Variants in TMEM167A observed in about 807,000 individuals in gnomAD.
TMEM167A encodes the protein transmembrane protein 167A.
Under a neutral mutation model 11.6 loss-of-function variants are expected in TMEM167A, and 8 were observed. That is an observed-to-expected ratio of 0.69 (90% CI 0.40 to 1.24). The LOEUF (loss-of-function observed/expected upper bound fraction) is 1.24, where lower values mean the gene tolerates loss of function less well. Among genes scored for constraint, TMEM167A ranks in the 50% most tolerant of loss-of-function variants. The pLI is 0.01. For missense variants in TMEM167A, 62 were observed against 87.0 expected (o/e 0.71, Z 1.14); for synonymous variants, 22 against 28.0 (o/e 0.79, Z 0.67).
At chr5:83,073,015 C>T (rs1744586233) in intron 1 of TMEM167A, among the ~76,000 whole-genome samples, 2 of 152,222 alleles carry the variant, frequency 1.3e-5, no homozygotes, top group Admixed American at 1.3e-4. Flanking sequence ...GCTACCTCCT[C>T]ACCCACTCCT....
intron 1 of TMEM167A, among the ~76,000 whole-genome samples, chr5:83,076,582 T>C (rs776639181): frequency 4.6e-5 from 7 of 152,240 alleles, no homozygotes; most frequent in African/African-American, 7.2e-5. Context: ...TCTGTGAACA[T>C]AGGCTCATAA....
At chr5:83,074,331 G>A (rs770192676) in intron 1 of TMEM167A, among the ~76,000 whole-genome samples, 4 of 152,124 alleles carry the variant, frequency 2.6e-5, no homozygotes, top group Non-Finnish European at 5.9e-5. Flanking sequence ...ACTCTTTAAA[G>A]TACAGGTGAG....
At chr5:83,057,226 C>A (rs938322391) in intron 3 of TMEM167A, 72 bp from the exon 4 acceptor site, 92 of 1,386,472 alleles carry the variant, frequency 6.6e-5, no homozygotes, top group Non-Finnish European at 8.5e-5. Context: ...GTTATACTAC[C>A]ATAAGAATCA....
chr5:83,053,668 T>C lies in TMEM167A; in HGVS notation c.*3416A>G, dbSNP rs879130544. 6.6e-6 allele frequency: 1 copy of C among 152,040 alleles called. No individual in the cohort carries two copies. The highest frequency in any genetic ancestry group is 2.1e-4 in the South Asian group (1 of 4,830). The allele number at this position is 152,040 out of a possible 1,614,324, so 9.4% of individuals were successfully genotyped here. A position where few individuals can be genotyped will look rare whatever the true frequency, so the allele number is the denominator to read the frequency against. The stretch of plus-strand genomic sequence containing the variant: ...AAGATCTAACCTTTGCCTACCTTTC[T>C]AGGCTTATGTCTTAATACTCCCGAA... On this transcript the variant is annotated 3_prime_UTR_variant, in exon 4 of 4. Coordinates refer to ENST00000502346, the MANE Select transcript of TMEM167A (RefSeq NM_174909.5).
At chr5:83,072,564 T>G (rs1489275042) in intron 1 of TMEM167A, among the ~76,000 whole-genome samples, 1 of 152,200 alleles carries the variant, frequency 6.6e-6, no homozygotes, top group Non-Finnish European at 1.5e-5. Context: ...AGTCTCACTC[T>G]GTTGCCCAGA....
intron 1 of TMEM167A, among the ~76,000 whole-genome samples, chr5:83,072,349 A>G (rs1457539465): frequency 1.3e-5 from 2 of 152,234 alleles, no homozygotes; most frequent in African/African-American, 4.8e-5. Flanking sequence ...GAAGGAAAAG[A>G]GCAAAGCCTG....
rs533575328 is a variant in TMEM167A, at chr5:83,060,326, C to T, written c.148+1551G>A. Among the ~76,000 whole-genome samples the T allele has an allele frequency of 7.2e-5, 11 of 152,112 alleles. No homozygotes were observed. The South Asian group carries it at 1.9e-3, about 26-fold the overall frequency. ...AATATTTTTCATTATAAATGTCTAA[C>T]AGCTTTATGAAAGAAAAGTAGTTAA... On this transcript the variant is annotated intron_variant, in intron 3 of 3. Transcript: ENST00000502346.
intron 1 of TMEM167A, among the ~76,000 whole-genome samples, chr5:83,072,933 C>A (rs1381604809): frequency 2.0e-5 from 3 of 152,162 alleles, no homozygotes; most frequent in Admixed American, 6.5e-5. Flanking sequence ...TACTAAGATA[C>A]TTGCCTTTTA....
chr5:83,056,973 T>G lies in TMEM167A; in HGVS notation c.*111A>C. On this transcript the variant is annotated 3_prime_UTR_variant, in exon 4 of 4. Transcript: ENST00000502346. The stretch of plus-strand genomic sequence containing the variant: ...AGAGAACAGCATCTGGAAATTTATC[T>G]CATTCAATGTTCGGAGATAAAAGAG... 1.1e-6 allele frequency: 1 copy of G among 928,440 alleles called. No homozygotes were observed. Among genetic ancestry groups the G allele is most frequent in the Non-Finnish European group, 1.7e-6 (1 of 580,852 alleles). The allele number at this position is 928,440 out of a possible 1,614,324, so 57.5% of individuals were successfully genotyped here. A position where few individuals can be genotyped will look rare whatever the true frequency, so the allele number is the denominator to read the frequency against.
At chr5:83,066,045 CA>C (rs1744476474) in intron 1 of TMEM167A, among the ~76,000 whole-genome samples, 1 of 152,054 alleles carries the variant, frequency 6.6e-6, no homozygotes, top group Non-Finnish European at 1.5e-5. Context: ...GAAGGGTAGA[CA>C]TTGTTATCAG....
intron 3 of TMEM167A, among the ~76,000 whole-genome samples, chr5:83,058,623 C>A (rs1360427915): frequency 6.6e-6 from 1 of 151,986 alleles, no homozygotes; most frequent in Non-Finnish European, 1.5e-5. Context: ...GGGCTATATA[C>A]CCTCATCTCA....
At chr5:83,072,870 T>G (rs1744583898) in intron 1 of TMEM167A, among the ~76,000 whole-genome samples, 1 of 152,120 alleles carries the variant, frequency 6.6e-6, no homozygotes, top group African/African-American at 2.4e-5. Context: ...TTATCAAAGG[T>G]GTGGTTCATG....
chr5:83,075,840 C>T (rs1744642105), intron 1 of TMEM167A, among the ~76,000 whole-genome samples: 1 of 152,080 alleles, frequency 6.6e-6, no homozygotes. Context: ...GATGCGAACT[C>T]AAAGATACTG....
chr5:83,067,051 A>G (rs1002333381), intron 1 of TMEM167A, among the ~76,000 whole-genome samples: 1 of 152,062 alleles, frequency 6.6e-6, no homozygotes, highest in African/African-American at 2.4e-5. Flanking sequence ...ACCCAATTTC[A>G]GTTTTTTTTT....
In TMEM167A at chr5:83,056,199, G is replaced by A. The variant is rs1237029723; in HGVS notation, c.*885C>T. On this transcript the variant is annotated 3_prime_UTR_variant, in exon 4 of 4. Transcript: ENST00000502346. ...ACAAAACACAAACTGGATTTAAAGT[G>A]CTGTGTTAAAAAACAAAACAAAAAT... 2 of 151,906 alleles carry A rather than the reference G, an allele frequency of 1.3e-5. No individual in the cohort carries two copies. The highest frequency in any genetic ancestry group is 2.9e-5 in the Non-Finnish European group (2 of 67,918). 9.4% of individuals were successfully genotyped at this position (151,906 alleles called of 1,614,324 possible).
rs1744410123 is a variant in TMEM167A, at chr5:83,061,764, A to T, written c.148+113T>A. 18 of 1,077,760 alleles carry T rather than the reference A, an allele frequency of 1.7e-5. No individual in the cohort carries two copies. In the South Asian group the frequency reaches 2.5e-4, roughly 15 times the overall value. 66.8% of individuals were successfully genotyped at this position (1,077,760 alleles called of 1,614,324 possible). On this transcript the variant is annotated intron_variant, in intron 3 of 3. Coordinates refer to ENST00000502346, the MANE Select transcript of TMEM167A (RefSeq NM_174909.5). Reference sequence around the variant, plus strand: ...TTATAAACTTTTGCGAAAATGCATAAAATTGGGAAGCCTGCCCTTTAAAAA... The same window carrying T: ...TTATAAACTTTTGCGAAAATGCATATAATTGGGAAGCCTGCCCTTTAAAAA...
chr5:83,073,735 T>C (rs1413992123), intron 1 of TMEM167A, among the ~76,000 whole-genome samples: 1 of 152,164 alleles, frequency 6.6e-6, no homozygotes, highest in Non-Finnish European at 1.5e-5. Flanking sequence ...AGAACAGACA[T>C]GAAGACAACG....
Position 83,066,860 on chromosome 5 carries a change from G to A in TMEM167A, c.4-1743C>T, listed in dbSNP as rs979686100. Among the ~76,000 whole-genome samples the A allele has an allele frequency of 3.9e-5, 6 of 151,996 alleles. No individual in the cohort carries two copies. In the East Asian group the frequency reaches 5.8e-4, roughly 15 times the overall value. ...GTTTTCCAAGAAATGAATTCTTTCC[G>A]GAGAGAGCACGTTGTTATAAAGCCA... is the stretch of plus-strand genomic sequence containing the variant. On this transcript the variant is annotated intron_variant, in intron 1 of 3. Transcript: ENST00000502346.
chr5:83,066,457 T>C (rs1162424329), intron 1 of TMEM167A, among the ~76,000 whole-genome samples: 1 of 152,192 alleles, frequency 6.6e-6, no homozygotes, highest in African/African-American at 2.4e-5. Flanking sequence ...AATTAAAATA[T>C]ATAAATCAAT....
Sources: gnomAD v4.1 joint callset for allele counts (sites outside exome capture counted in the v4.1 genomes callset) on GRCh38, gnomAD v4.1.1 for gene constraint, MANE v1.5 for transcripts, NCBI Gene and HGNC (gene_info 2026-07-23, HGNC 2026-07-21) for gene names.